Variants in AKAP19 observed in about 807,000 individuals in gnomAD.
AKAP19 encodes A-kinase anchoring protein 19.
At chr2:190,142,265 T>C in the AKAP19 span, among the ~76,000 whole-genome samples, 1 of 152,228 alleles carries the variant, frequency 6.6e-6, no homozygotes, top group Admixed American at 6.5e-5. Context: ...TGGCACAGTT[T>C]CATTACTTCC....
the AKAP19 span, among the ~76,000 whole-genome samples, chr2:190,168,608 C>T: frequency 6.6e-6 from 1 of 152,180 alleles, no homozygotes; most frequent in Non-Finnish European, 1.5e-5. Context: ...TTAACAGCAC[C>T]CAAGTCACCT....
At chr2:190,039,566 T>C in the AKAP19 span, among the ~76,000 whole-genome samples, 11 of 152,168 alleles carry the variant, frequency 7.2e-5, no homozygotes, top group African/African-American at 2.4e-4. Flanking sequence ...AAAGGTTTGT[T>C]ACATAGGTAA....
At chr2:190,141,176 C>T in the AKAP19 span, among the ~76,000 whole-genome samples, 3 of 152,148 alleles carry the variant, frequency 2.0e-5, no homozygotes, top group Admixed American at 1.3e-4. Flanking sequence ...CAAACATTCC[C>T]ACATCTTCCT....
the AKAP19 span, among the ~76,000 whole-genome samples, chr2:190,090,001 A>G: frequency 3.9e-5 from 6 of 152,172 alleles, no homozygotes; most frequent in Admixed American, 2.0e-4. Flanking sequence ...CCTGGTATAT[A>G]TGCCCCTTTC....
the AKAP19 span, among the ~76,000 whole-genome samples, chr2:190,198,740 C>T: frequency 4.7e-5 from 7 of 150,054 alleles, no homozygotes; most frequent in Non-Finnish European, 8.9e-5. Flanking sequence ...CCATTAATCT[C>T]ATTCATAGAG....
the AKAP19 span, among the ~76,000 whole-genome samples, chr2:190,009,770 T>C: frequency 1.8e-3 from 274 of 151,320 alleles, no homozygotes; most frequent in Middle Eastern, 6.8e-3. Context: ...ACTGAGTAGA[T>C]AGAGAAGAGA....
the AKAP19 span, among the ~76,000 whole-genome samples, chr2:190,040,295 G>T: frequency 2.1e-4 from 32 of 152,214 alleles, no homozygotes; most frequent in East Asian, 6.2e-3. Context: ...TTTTTCATAT[G>T]CTTGTGGGCT....
At chr2:190,157,287 T>A in the AKAP19 span, among the ~76,000 whole-genome samples, 10 of 151,928 alleles carry the variant, frequency 6.6e-5, no homozygotes, top group African/African-American at 2.4e-4. Context: ...ATATTGTTCA[T>A]CAGTATGAAA....
chr2:189,925,668 G>A, the AKAP19 span, among the ~76,000 whole-genome samples: 28 of 152,178 alleles, frequency 1.8e-4, no homozygotes, highest in East Asian at 3.9e-3. Context: ...CATGTTTTCC[G>A]AAGCCAGGAA....
chr2:189,882,623 A>G, the AKAP19 span, among the ~76,000 whole-genome samples: 1 of 152,158 alleles, frequency 6.6e-6, no homozygotes, highest in Non-Finnish European at 1.5e-5. Context: ...TATAAACAAT[A>G]GGGCAAAGGA....
At chr2:190,145,975 TTTTC>T in the AKAP19 span, among the ~76,000 whole-genome samples, 1 of 21,382 alleles carries the variant, frequency 4.7e-5, no homozygotes, top group East Asian at 0.024. Context: ...GTTATTCCAT[TTTTC>T]TTTTTTTTTT....
At chr2:190,016,836 CTAAT>C in the AKAP19 span, among the ~76,000 whole-genome samples, 2 of 152,116 alleles carry the variant, frequency 1.3e-5, no homozygotes, top group African/African-American at 4.8e-5. Flanking sequence ...TCAATATTTT[CTAAT>C]TAATTTCTGT....
At chr2:190,081,137 A>G in the AKAP19 span, among the ~76,000 whole-genome samples, 1 of 152,168 alleles carries the variant, frequency 6.6e-6, no homozygotes, top group Non-Finnish European at 1.5e-5. Context: ...GGAGATTTGT[A>G]TTTGTAAAGA....
chr2:190,096,216 A>G, the AKAP19 span, among the ~76,000 whole-genome samples: 1 of 152,198 alleles, frequency 6.6e-6, no homozygotes, highest in Non-Finnish European at 1.5e-5. Context: ...CATGTCTCCC[A>G]CGAAAGTCTC....
At chr2:190,199,629 C>A in the AKAP19 span, 1 of 963,078 alleles carries the variant, frequency 1.0e-6, no homozygotes. Context: ...AGGATTTTTA[C>A]ATGCCACTCA....
the AKAP19 span, among the ~76,000 whole-genome samples, chr2:189,984,969 C>G: frequency 6.6e-6 from 1 of 152,042 alleles, no homozygotes; most frequent in African/African-American, 2.4e-5. Context: ...TGCAGACACA[C>G]CTATGCAAGC....
the AKAP19 span, among the ~76,000 whole-genome samples, chr2:190,019,639 A>G: frequency 2.6e-5 from 4 of 151,696 alleles, no homozygotes; most frequent in Admixed American, 6.6e-5. Context: ...TAGTCATGCC[A>G]TTACCCTCAT....
chr2:190,090,098 A>G, the AKAP19 span, among the ~76,000 whole-genome samples: 1 of 151,884 alleles, frequency 6.6e-6, no homozygotes, highest in South Asian at 2.1e-4. Context: ...TCTCCTTATA[A>G]CTACCTGCCT....
At chr2:189,895,282 A>C in the AKAP19 span, among the ~76,000 whole-genome samples, 1 of 152,162 alleles carries the variant, frequency 6.6e-6, no homozygotes, top group Admixed American at 6.5e-5. Context: ...GTTCTGCACT[A>C]GTATGTAATC....
Sources: allele counts gnomAD v4.1 joint callset (sites outside exome capture counted in the v4.1 genomes callset), GRCh38; gene constraint gnomAD v4.1.1; transcripts MANE v1.5; gene names NCBI Gene and HGNC (gene_info 2026-07-23, HGNC 2026-07-21).